The following PTPRD variants were observed in gnomAD, a reference collection of about 807,000 sequenced individuals.
The protein encoded by PTPRD is receptor-type tyrosine-protein phosphatase delta.
PTPRD carries 34 observed loss-of-function variants against 214.5 expected under a neutral mutation model. The ratio of observed to expected loss-of-function variants is 0.16; its 90% CI spans 0.12 to 0.21. PTPRD has a LOEUF of 0.21. Ranked by LOEUF, PTPRD falls within the 10% of genes least tolerant of loss-of-function variation. The pLI, the probability that PTPRD is intolerant of heterozygous loss-of-function variation, is 1.00. For missense variants in PTPRD, 2,545 were observed against 2,398.7 expected (o/e 1.06, Z -1.27); for synonymous variants, 1,128 against 845.7 (o/e 1.33, Z -5.79).
chr9:8,356,755 T>C (rs1403613224), intron 39 of PTPRD, among the ~76,000 whole-genome samples: 1 of 152,136 alleles, frequency 6.6e-6, no homozygotes, highest in African/African-American at 2.4e-5. Flanking sequence ...CCTTTCCTTA[T>C]AGAGTATATT....
intron 3 of PTPRD, among the ~76,000 whole-genome samples, chr9:10,268,887 G>C (rs931186359): frequency 1.3e-5 from 2 of 152,204 alleles, no homozygotes; most frequent in African/African-American, 4.8e-5. Flanking sequence ...GGGATTTTCA[G>C]TCTCAGCAAC....
chr9:8,914,812 A>G (rs2154264090), intron 11 of PTPRD, among the ~76,000 whole-genome samples: 1 of 152,280 alleles, frequency 6.6e-6, no homozygotes, highest in East Asian at 1.9e-4. Context: ...TGATGATTTA[A>G]GGTACCAATA....
intron 11 of PTPRD, among the ~76,000 whole-genome samples, chr9:8,939,971 T>A (rs1353774179): frequency 6.6e-6 from 1 of 152,026 alleles, no homozygotes; most frequent in Non-Finnish European, 1.5e-5. Context: ...GTTAATCTTT[T>A]TTTAACCAGA....
rs537686262 is a variant in PTPRD, at chr9:9,672,562, A to T, written c.-287+61971T>A. Among the ~76,000 whole-genome samples the T allele has an allele frequency of 2.5e-3, 374 of 152,258 alleles. 2 individuals are homozygous for T. The highest frequency in any genetic ancestry group is 8.4e-3 in the African/African-American group (350 of 41,568). On this transcript the variant is annotated intron_variant, in intron 7 of 45. Transcript: ENST00000381196. ...CATGGTAGAGATGGAATTCCCAACC[A>T]ATTTAACCTTAAAGCTCATGATCTG...
At chr9:10,148,772 G>T (rs143812281) in intron 3 of PTPRD, among the ~76,000 whole-genome samples, 1 of 152,114 alleles carries the variant, frequency 6.6e-6, no homozygotes, top group Admixed American at 6.6e-5. Context: ...ATCTCTGGGG[G>T]TAAGAACCAT....
chr9:10,286,765 A>G (rs1381255752), intron 3 of PTPRD, among the ~76,000 whole-genome samples: 1 of 151,818 alleles, frequency 6.6e-6, no homozygotes, highest in Non-Finnish European at 1.5e-5. Flanking sequence ...AGCCCGACTA[A>G]TTTTTTTGTA....
At chr9:9,113,931 G>C (rs138750241) in intron 10 of PTPRD, among the ~76,000 whole-genome samples, 21 of 152,262 alleles carry the variant, frequency 1.4e-4, no homozygotes, top group African/African-American at 4.6e-4. Context: ...CTGATATTTG[G>C]AGCAAAAGAG....
At chr9:9,251,362 C>A (rs908219979) in intron 9 of PTPRD, among the ~76,000 whole-genome samples, 1 of 152,082 alleles carries the variant, frequency 6.6e-6, no homozygotes, top group Non-Finnish European at 1.5e-5. Context: ...ACTTTTCTAG[C>A]AATATATCTT....
chr9:8,452,515 G>T lies in PTPRD; in HGVS notation c.3876-2678C>A, dbSNP rs528297103. On this transcript the variant is annotated intron_variant, in intron 33 of 45. Coordinates refer to ENST00000381196, the MANE Select transcript of PTPRD (RefSeq NM_002839.4). Reference sequence around the variant, plus strand: ...ACCTTTTTTCCTGATAAATTTCAGAGGTCTCATCATTCTCATTTTCGATTT... The same window carrying T: ...ACCTTTTTTCCTGATAAATTTCAGATGTCTCATCATTCTCATTTTCGATTT... Among the ~76,000 whole-genome samples, 4 of 152,224 alleles carry T rather than the reference G, an allele frequency of 2.6e-5. No individual in the cohort carries two copies. The East Asian group carries it at 7.7e-4, about 29-fold the overall frequency.
In PTPRD at chr9:8,672,640, G is replaced by A. The variant is rs59130305; in HGVS notation, c.65-35796C>T. The stretch of plus-strand genomic sequence containing the variant: ...ATATCCTCTAATGAACAAATCTCCA[G>A]TTATTAAATACTCTTAGGAAAGCAC... On this transcript the variant is annotated intron_variant, in intron 12 of 45. Transcript: ENST00000381196. Among the ~76,000 whole-genome samples, 338 of 152,136 alleles carry A rather than the reference G, an allele frequency of 2.2e-3. 3 individuals are homozygous for A. Among genetic ancestry groups the A allele is most frequent in the East Asian group, 0.019 (98 of 5,180 alleles).
chr9:9,759,659 G>C (rs982950556), intron 6 of PTPRD, among the ~76,000 whole-genome samples: 1 of 146,568 alleles, frequency 6.8e-6, no homozygotes, highest in Non-Finnish European at 1.5e-5. Context: ...CCAGGTTCAA[G>C]CAATTCTCTT....
intron 9 of PTPRD, among the ~76,000 whole-genome samples, chr9:9,248,949 G>C (rs1180002201): frequency 6.6e-6 from 1 of 152,046 alleles, no homozygotes; most frequent in Non-Finnish European, 1.5e-5. Flanking sequence ...TGCAGGTTCA[G>C]TGTTATCAGA....
intron 9 of PTPRD, among the ~76,000 whole-genome samples, chr9:9,340,925 G>C (rs974761833): frequency 1.3e-5 from 2 of 152,082 alleles, no homozygotes; most frequent in African/African-American, 2.4e-5. Flanking sequence ...GATAGTAACA[G>C]CAGTTTTTGA....
At chr9:10,482,325 G>T (rs35069540) in intron 2 of PTPRD, among the ~76,000 whole-genome samples, 4,580 of 151,920 alleles carry the variant, frequency 0.03, 107 homozygotes, top group South Asian at 0.055. Context: ...GAGCCGAGAT[G>T]GCGCCACTGC....
At chr9:9,195,663 T>C (rs1051041370) in intron 9 of PTPRD, among the ~76,000 whole-genome samples, 18 of 152,032 alleles carry the variant, frequency 1.2e-4, no homozygotes, top group African/African-American at 3.9e-4. Context: ...TGTGGTATTG[T>C]TGCTTTCAGC....
intron 11 of PTPRD, among the ~76,000 whole-genome samples, chr9:8,798,913 C>T (rs182847744): frequency 1.7e-3 from 256 of 152,168 alleles, no homozygotes; most frequent in Non-Finnish European, 2.8e-3. Flanking sequence ...GTCATAATAA[C>T]GACTCAGAGC....
intron 12 of PTPRD, among the ~76,000 whole-genome samples, chr9:8,724,707 G>A (rs1256641563): frequency 6.6e-6 from 1 of 152,088 alleles, no homozygotes; most frequent in Admixed American, 6.5e-5. Context: ...GCCAAGGTGG[G>A]TGGAGAGCTT....
intron 9 of PTPRD, among the ~76,000 whole-genome samples, chr9:9,396,377 C>G (rs2067827591): frequency 6.6e-6 from 1 of 151,958 alleles, no homozygotes; most frequent in Admixed American, 6.6e-5. Flanking sequence ...AGCTCAGATT[C>G]TAAATCAGAA....
At chr9:9,292,133 G>C (rs1951363161) in intron 9 of PTPRD, among the ~76,000 whole-genome samples, 1 of 151,096 alleles carries the variant, frequency 6.6e-6, no homozygotes, top group East Asian at 2.0e-4. Flanking sequence ...GACATGGAAG[G>C]ATCCTGAAAA....
Sources: allele counts gnomAD v4.1 joint callset (sites outside exome capture counted in the v4.1 genomes callset), GRCh38; gene constraint gnomAD v4.1.1; transcripts MANE v1.5; gene names NCBI Gene and HGNC (gene_info 2026-07-23, HGNC 2026-07-21).